The following SYTL3 variants were observed in gnomAD, a reference collection of about 807,000 sequenced individuals.
SYTL3 encodes synaptotagmin like 3.
In SYTL3, 88 loss-of-function variants were observed where a neutral mutation model predicts 82.1. The ratio of observed to expected loss-of-function variants is 1.07; its 90% CI spans 0.90 to 1.28. The LOEUF is 1.28. SYTL3 is among the 50% of genes most tolerant of loss of function. The probability of loss-of-function intolerance (pLI) is 0.00; values close to 1 mark genes in which losing one functional copy is unlikely to be tolerated. For synonymous variants in SYTL3, 311 were observed against 289.4 expected (o/e 1.07, Z -0.76); for missense variants, 831 against 757.6 (o/e 1.10, Z -1.14).
intron 2 of SYTL3, among the ~76,000 whole-genome samples, chr6:158,652,372 C>T (rs9355671): frequency 0.29 from 44,112 of 151,950 alleles, 7,002 homozygotes; most frequent in East Asian, 0.67. Flanking sequence ...CCTCAGCCTC[C>T]GAAGTAGCTG....
intron 5 of SYTL3, 102 bp downstream of exon 5, chr6:158,665,715 C>A: frequency 1.2e-6 from 1 of 822,876 alleles, no homozygotes; most frequent in Non-Finnish European, 1.9e-6. Context: ...TCACCTTCAG[C>A]CAGTAAATGT....
At chr6:158,755,435 C>T (rs1172682550) in intron 13 of SYTL3, among the ~76,000 whole-genome samples, 1 of 152,176 alleles carries the variant, frequency 6.6e-6, no homozygotes, top group African/African-American at 2.4e-5. Context: ...AAGAAATGCC[C>T]ATCTCCATGG....
At chr6:158,674,085 A>AAATAATAATAATAATAAT (rs71298903) in intron 5 of SYTL3, among the ~76,000 whole-genome samples, 11 of 126,032 alleles carry the variant, frequency 8.7e-5, no homozygotes, top group African/African-American at 2.6e-4. Context: ...CTGTGTCTCA[A>AAATAATAATAATAATAAT]AATAATAATA....
chr6:158,682,600 C>A (rs540581623), intron 5 of SYTL3, among the ~76,000 whole-genome samples: 23 of 152,172 alleles, frequency 1.5e-4, no homozygotes, highest in Non-Finnish European at 2.6e-4. Flanking sequence ...ACCTCGTGAT[C>A]CGCCTGCCTC....
chr6:158,726,642 T>C lies in SYTL3; in HGVS notation c.855+1005T>C, dbSNP rs142146186. ...GGAAGTGATCTAATATGATTGGGAA[T>C]GCAAAGTAATGGGTCCAAAGAGATC... On this transcript the variant is annotated intron_variant, in intron 11 of 17. Transcript: ENST00000611299. The C allele has an allele frequency of 1.6e-4, 42 of 257,262 alleles. No homozygotes were observed. In the East Asian group the frequency reaches 4.0e-3, roughly 25 times the overall value. 15.9% of individuals were successfully genotyped at this position (257,262 alleles called of 1,614,324 possible). A position where few individuals can be genotyped will look rare whatever the true frequency, so the allele number is the denominator to read the frequency against.
At chr6:158,715,558 A>G (rs1270841555) in intron 9 of SYTL3, among the ~76,000 whole-genome samples, 6 of 146,156 alleles carry the variant, frequency 4.1e-5, no homozygotes, top group African/African-American at 1.3e-4. Flanking sequence ...GCAAAACAGC[A>G]AGCATCCCTT....
intron 6 of SYTL3, among the ~76,000 whole-genome samples, chr6:158,701,138 G>A (rs1166173896): frequency 6.8e-6 from 1 of 148,012 alleles, no homozygotes; most frequent in African/African-American, 2.5e-5. Flanking sequence ...CTCTTAGAAG[G>A]GTCATGGAGG....
chr6:158,668,489 A>C (rs1790365946), intron 5 of SYTL3, among the ~76,000 whole-genome samples: 1 of 152,128 alleles, frequency 6.6e-6, no homozygotes, highest in South Asian at 2.1e-4. Context: ...TGGGCTTCCC[A>C]AAGGGCTGGG....
chr6:158,653,388 G>A (rs6909096), intron 2 of SYTL3, among the ~76,000 whole-genome samples: 43,973 of 151,704 alleles, frequency 0.29, 6,905 homozygotes, highest in East Asian at 0.67. Context: ...TGCCTGTAAT[G>A]TCAGCTACTC....
At chr6:158,703,812 ATATTATTATCAT>A (rs1190115141) in intron 6 of SYTL3, among the ~76,000 whole-genome samples, 159 of 122,654 alleles carry the variant, frequency 1.3e-3, no homozygotes, top group African/African-American at 2.7e-3. Context: ...AGTGGGTTTT[ATATTATTATCAT>A]TATTATTATT....
rs1583462859 is a variant in SYTL3 at position 158,746,725 on chromosome 6, A to G, written c.1034+1067A>G. Among the ~76,000 whole-genome samples the G allele has an allele frequency of 2.0e-5, 3 of 151,384 alleles. 1 individual carries two copies. Among genetic ancestry groups the G allele is most frequent in the South Asian group, 4.2e-4 (2 of 4,784 alleles). On this transcript the variant is annotated intron_variant, in intron 12 of 17. Coordinates refer to ENST00000611299, the MANE Select transcript of SYTL3 (RefSeq NM_001242394.2). ...GTGATCCACCCACCTTGGCCTCCCA[A>G]AGTGCTGGGATTACAGGCATGAGCC...
chr6:158,651,095 A>G (rs1429307469), intron 1 of SYTL3, among the ~76,000 whole-genome samples: 1 of 152,220 alleles, frequency 6.6e-6, no homozygotes, highest in Non-Finnish European at 1.5e-5. Flanking sequence ...AGTTTAGGTA[A>G]GTTACTTAAT....
chr6:158,741,948 G>A (rs905895870), intron 11 of SYTL3, among the ~76,000 whole-genome samples: 5 of 152,180 alleles, frequency 3.3e-5, no homozygotes, highest in African/African-American at 4.8e-5. Flanking sequence ...TCCGATGGCC[G>A]CCACTACGCT....
intron 6 of SYTL3, among the ~76,000 whole-genome samples, chr6:158,691,454 T>A (rs551389873): frequency 6.6e-6 from 1 of 152,260 alleles, no homozygotes; most frequent in Non-Finnish European, 1.5e-5. Context: ...CTTTTTTAGA[T>A]CACTAATAAC....
At chr6:158,659,993 G>A (rs1789166972) in intron 2 of SYTL3, among the ~76,000 whole-genome samples, 2 of 152,190 alleles carry the variant, frequency 1.3e-5, no homozygotes, top group South Asian at 2.1e-4. Flanking sequence ...ACCTTGAACA[G>A]GCCGGGCGTG....
At position 158,708,411 on chromosome 6, in the gene SYTL3, C is replaced by T. The variant is rs756771264; in HGVS notation, c.516+20C>T. ...GGCAGGGTAACGTATCCATTCTGGGCACTTCTCTAGTAGGGGTCAGGGGAT... is the reference window on the plus strand; with the variant it reads ...GGCAGGGTAACGTATCCATTCTGGGTACTTCTCTAGTAGGGGTCAGGGGAT... On this transcript the variant is annotated intron_variant, in intron 8 of 17. Coordinates refer to ENST00000611299, the MANE Select transcript of SYTL3 (RefSeq NM_001242394.2). 6.2e-7 allele frequency: 1 copy of T among 1,610,700 alleles called. No individual in the cohort carries two copies. The highest frequency in any genetic ancestry group is 8.5e-7 in the Non-Finnish European group (1 of 1,177,002).
chr6:158,733,453 A>G (rs1203349050), intron 11 of SYTL3, among the ~76,000 whole-genome samples: 1 of 151,848 alleles, frequency 6.6e-6, no homozygotes, highest in Admixed American at 6.6e-5. Context: ...CAGCCTCCCT[A>G]GTAACTGGAA....
intron 2 of SYTL3, among the ~76,000 whole-genome samples, chr6:158,658,391 C>T (rs1473567331): frequency 1.3e-5 from 2 of 152,178 alleles, no homozygotes; most frequent in Admixed American, 1.3e-4. Context: ...GGGTATGGTA[C>T]TGCACTCATT....
intron 12 of SYTL3, among the ~76,000 whole-genome samples, chr6:158,750,709 G>A (rs1788281299): frequency 6.6e-6 from 1 of 152,110 alleles, no homozygotes; most frequent in African/African-American, 2.4e-5. Context: ...GTGGAGATGA[G>A]TTCTCCCTGT....
Sources: gnomAD v4.1 joint callset for allele counts (sites outside exome capture counted in the v4.1 genomes callset) on GRCh38, gnomAD v4.1.1 for gene constraint, MANE v1.5 for transcripts, NCBI Gene and HGNC (gene_info 2026-07-23, HGNC 2026-07-21) for gene names.